JKAMP: variants seen among roughly 807,000 people sequenced by gnomAD.
The protein encoded by JKAMP is JNK1/MAPK8 associated membrane protein.
A neutral mutation model predicts 40.2 loss-of-function variants in JKAMP; 20 were observed. That is an observed-to-expected ratio of 0.50 (90% CI 0.35 to 0.72). The LOEUF is 0.72. Ranked by LOEUF, JKAMP falls within the 30% of genes least tolerant of loss-of-function variation. The pLI is 0.01. For synonymous variants in JKAMP, 138 were observed against 131.6 expected, an observed-to-expected ratio of 1.05 and a Z score of -0.33; for missense variants, 276 against 373.0, an observed-to-expected ratio of 0.74 and a Z score of 2.14.
At chr14:59,493,896 T>C (rs1891223963) in intron 3 of JKAMP, among the ~76,000 whole-genome samples, 1 of 152,068 alleles carries the variant, frequency 6.6e-6, no homozygotes, top group African/African-American at 2.4e-5. Context: ...CACAGACAAT[T>C]ATATATGAAA....
intron 4 of JKAMP, among the ~76,000 whole-genome samples, chr14:59,497,437 T>C (rs564800897): frequency 1.3e-5 from 2 of 152,284 alleles, no homozygotes; most frequent in East Asian, 3.9e-4. Flanking sequence ...CAGAAACTAG[T>C]TTCCTAGTTC....
At chr14:59,503,681 T>G (rs1036041190) in intron 6 of JKAMP, among the ~76,000 whole-genome samples, 173 bp from the exon 7 acceptor site, 1 of 152,344 alleles carries the variant, frequency 6.6e-6, no homozygotes, top group African/African-American at 2.4e-5. Context: ...ACTTTCCTCA[T>G]CTATAAAGTG....
intron 4 of JKAMP, among the ~76,000 whole-genome samples, chr14:59,496,113 C>T (rs567155959): frequency 2.6e-4 from 40 of 152,266 alleles, no homozygotes; most frequent in African/African-American, 9.4e-4. Context: ...GCCATGTTGG[C>T]CAGGCTGGTC....
At chr14:59,487,638 T>C (rs1399214981) in intron 2 of JKAMP, 36 bp from the exon 3 acceptor site, 1 of 1,529,674 alleles carries the variant, frequency 6.5e-7, no homozygotes, top group Non-Finnish European at 9.0e-7. Context: ...TGTAAAATAA[T>C]ATCTGTACAC....
chr14:59,502,755 T>TGTTTTGTTTTGTTTTTTTTTTTTG lies in JKAMP; in HGVS notation c.718-1099_718-1098insGTTTTGTTTTGTTTTTTTTTTTTG, dbSNP rs67189643. The stretch of plus-strand genomic sequence containing the variant: ...GGATATTTGAATAAAATGAGATTTT[T>TGTTTTGTTTTGTTTTTTTTTTTTG]TTTTTTTTTTTTTTTTTTCGGAGTC... On this transcript the variant is annotated intron_variant, in intron 6 of 6. Coordinates refer to ENST00000616435, the MANE Select transcript of JKAMP (RefSeq NM_016475.5). Among the ~76,000 whole-genome samples, 26 of 122,950 alleles carry TGTTTTGTTTTGTTTTTTTTTTTTG rather than the reference T, an allele frequency of 2.1e-4. 1 individual carries two copies. Among genetic ancestry groups the TGTTTTGTTTTGTTTTTTTTTTTTG allele is most frequent in the African/African-American group, 7.8e-4 (26 of 33,204 alleles). 80.7% of individuals were successfully genotyped at this position (122,950 alleles called of 152,430 possible).
intron 3 of JKAMP, among the ~76,000 whole-genome samples, chr14:59,494,565 G>C (rs1891290313): frequency 6.6e-6 from 1 of 152,190 alleles, no homozygotes; most frequent in Non-Finnish European, 1.5e-5. Context: ...GGTAAAAGCA[G>C]TTTGGTACAT....
rs780711462 is a variant in JKAMP at position 59,495,020 on chromosome 14, C to G, written c.254C>G (p.Ser85Cys). 6.2e-7 allele frequency: 1 copy of G among 1,612,126 alleles called. No homozygotes were observed. The highest frequency in any genetic ancestry group is 8.5e-7 in the Non-Finnish European group (1 of 1,178,520). The change falls in exon 4 of 7, where the codon TCC becomes TGC. Residue 85 changes from serine (S) to cysteine (C), a missense_variant and splice_region_variant. Coordinates refer to ENST00000616435, the MANE Select transcript of JKAMP (RefSeq NM_016475.5). ...FIEWYSGKKS[S>C]SALFQHITAL... is the part of the protein sequence containing the mutation. ...TCATGCCTCTTTTCCTTCTCTAGTT[C>G]CAGCGCACTTTTCCAACACATCACT...
intron 3 of JKAMP, among the ~76,000 whole-genome samples, chr14:59,492,605 CA>C (rs755924863): frequency 6.6e-6 from 1 of 152,174 alleles, no homozygotes; most frequent in Non-Finnish European, 1.5e-5. Context: ...AGGCAAGGAT[CA>C]TTTGTATCAT....
chr14:59,504,965 G>GT lies in JKAMP; in HGVS notation c.*895dup, dbSNP rs1892241089. 4.1e-6 allele frequency: 1 copy of GT among 241,140 alleles called. No individual in the cohort carries two copies. Among genetic ancestry groups the GT allele is most frequent in the Non-Finnish European group, 7.9e-6 (1 of 125,944 alleles). The allele number at this position is 241,140 out of a possible 1,614,324, so 14.9% of individuals were successfully genotyped here. On this transcript the variant is annotated 3_prime_UTR_variant, in exon 7 of 7. Transcript: ENST00000616435. ...GGTTGGTTTGTGGTTTGTGATAGGT[G>GT]TTCTGTGATGTTTATGCTTTGAAGG...
At chr14:59,489,670 A>G (rs908507472) in intron 3 of JKAMP, among the ~76,000 whole-genome samples, 3 of 152,166 alleles carry the variant, frequency 2.0e-5, no homozygotes, top group Admixed American at 2.0e-4. Context: ...TTCCATTACT[A>G]TAAAGGAATA....
intron 1 of JKAMP, chr14:59,485,208 G>C: frequency 7.2e-7 from 1 of 1,391,496 alleles, no homozygotes. Context: ...ATATTCACGT[G>C]TATTTATTAA....
rs375424760 is a variant in JKAMP, at chr14:59,495,085, C to G, written c.319C>G (p.Leu107Val). Residue 107 changes from leucine (L) to valine (V), a missense_variant, in exon 4 of 7, where the codon CTT becomes GTT. Coordinates refer to ENST00000616435, the MANE Select transcript of JKAMP (RefSeq NM_016475.5). Reference sequence around the variant, plus strand: ...CAGCATGGCAGCTATTATCACCTTACTTGTGAGTGATCCAGTTGGTGTTCT... The same window carrying G: ...CAGCATGGCAGCTATTATCACCTTAGTTGTGAGTGATCCAGTTGGTGTTCT... ...ECSMAAIITL[L>V]VSDPVGVLYI... is the part of the protein sequence containing the mutation. The G allele has an allele frequency of 1.2e-6, 2 of 1,613,678 alleles. No individual in the cohort carries two copies. Among genetic ancestry groups the G allele is most frequent in the Non-Finnish European group, 1.7e-6 (2 of 1,179,596 alleles).
intron 1 of JKAMP, 77 bp downstream of exon 1, chr14:59,484,670 G>T: frequency 6.6e-7 from 1 of 1,510,092 alleles, no homozygotes; most frequent in East Asian, 2.4e-5. Flanking sequence ...CTCGGGCTCG[G>T]CTCTTTGTAG....
rs774432702 is a variant in JKAMP at position 59,498,780 on chromosome 14, T to A, written c.512T>A (p.Leu171His). The A allele has an allele frequency of 1.2e-6, 2 of 1,605,614 alleles. No individual in the cohort carries two copies. Among genetic ancestry groups the A allele is most frequent in the Non-Finnish European group, 1.7e-6 (2 of 1,172,844 alleles). Residue 171 changes from leucine to histidine, a missense_variant, in exon 5 of 7, where the codon CTC becomes CAC. Physicochemically the swap from Leu to His is moderately conservative, Grantham distance 99 (BLOSUM62 -3). Transcript: ENST00000616435. ...TTCTGCTTGGTATTAATGATGCTGC[T>A]CCGACCTCTTCTGGTGAAGAAGATT... Reference protein sequence around the residue: ...YAFCLVLMMLLRPLLVKKIAC... With the variant: ...YAFCLVLMMLHRPLLVKKIAC...
chr14:59,487,940 TTTTC>T (rs1335685040), intron 3 of JKAMP, 112 bp downstream of exon 3: 6 of 1,014,118 alleles, frequency 5.9e-6, no homozygotes, highest in Non-Finnish European at 8.9e-6. Context: ...GTAAACATGT[TTTTC>T]TTTATCTTCA....
intron 5 of JKAMP, among the ~76,000 whole-genome samples, chr14:59,500,080 T>C (rs950431130): frequency 6.6e-6 from 1 of 152,270 alleles, no homozygotes; most frequent in African/African-American, 2.4e-5. Context: ...GGCTTTTTAC[T>C]ACCAGGTCTT....
chr14:59,485,798 A>G (rs144994231), intron 1 of JKAMP: 2,345 of 152,334 alleles, frequency 0.015, 34 homozygotes, highest in Non-Finnish European at 0.026. Flanking sequence ...TTGTATTTTT[A>G]GTAGAGACGG....
In JKAMP at chr14:59,504,652, T is replaced by C. The variant is rs1309559713; in HGVS notation, c.*580T>C. ...TTCTGTTTATAGATTGGTTCAAGATTTGTTTGGATTATTGTTCCTGTAAAG... is the reference window on the plus strand; with the variant it reads ...TTCTGTTTATAGATTGGTTCAAGATCTGTTTGGATTATTGTTCCTGTAAAG... On this transcript the variant is annotated 3_prime_UTR_variant, in exon 7 of 7. Transcript: ENST00000616435. 1.3e-5 allele frequency: 2 copies of C among 152,748 alleles called. No homozygotes were observed. The highest frequency in any genetic ancestry group is 2.9e-5 in the Non-Finnish European group (2 of 68,110). The allele number at this position is 152,748 out of a possible 1,614,324, so 9.5% of individuals were successfully genotyped here.
chr14:59,493,100 G>A (rs1349280938), intron 3 of JKAMP, among the ~76,000 whole-genome samples: 2 of 152,074 alleles, frequency 1.3e-5, no homozygotes, highest in Non-Finnish European at 2.9e-5. Flanking sequence ...GCCCAGCCAA[G>A]GAGAGCTGGT....
Sources: allele counts gnomAD v4.1 joint callset (sites outside exome capture counted in the v4.1 genomes callset), GRCh38; gene constraint gnomAD v4.1.1; transcripts MANE v1.5; gene names NCBI Gene and HGNC (gene_info 2026-07-23, HGNC 2026-07-21).